The following PCDHA1 variants were observed in gnomAD, a reference collection of about 807,000 sequenced individuals.
PCDHA1 encodes the protein protocadherin alpha 1, also known as protocadherin alpha-1.
Under a neutral mutation model 61.3 loss-of-function variants are expected in PCDHA1, and 42 were observed. The observed-to-expected ratio is 0.69, with a 90% CI of 0.54 to 0.89. PCDHA1 has a LOEUF of 0.89. Ranked by LOEUF, PCDHA1 falls within the 40% of genes least tolerant of loss-of-function variation. The pLI, the probability that PCDHA1 is intolerant of heterozygous loss-of-function variation, is 0.00. For missense variants in PCDHA1, 1,256 were observed against 1,235.3 expected, an observed-to-expected ratio of 1.02 and a Z score of -0.25; for synonymous variants, 610 against 553.8, an observed-to-expected ratio of 1.10 and a Z score of -1.43.
intron 1 of PCDHA1, among the ~76,000 whole-genome samples, chr5:140,901,699 A>G (rs1373176124): frequency 6.6e-6 from 1 of 152,124 alleles, no homozygotes; most frequent in East Asian, 1.9e-4. Context: ...TTGTAGTTCT[A>G]TATACATTTT....
At chr5:140,822,521 G>T (rs2150116984) in intron 1 of PCDHA1, 1 of 1,613,938 alleles carries the variant, frequency 6.2e-7, no homozygotes, top group Admixed American at 1.7e-5. Flanking sequence ...TATAATGTCA[G>T]ATTGTTGGAA....
rs782027925 is a variant in PCDHA1, at chr5:140,877,333, C to G, written c.2394+88649C>G. The G allele has an allele frequency of 2.5e-6, 4 of 1,613,992 alleles. No individual in the cohort carries two copies. The South Asian group carries it at 3.3e-5, about 13-fold the overall frequency. Reference sequence around the variant, plus strand: ...ACCGGCGGCGGTCGGCGCGCACATCCCGTTCCACGTGGGGCTGTACACTGG... The same window carrying G: ...ACCGGCGGCGGTCGGCGCGCACATCGCGTTCCACGTGGGGCTGTACACTGG... On this transcript the variant is annotated intron_variant, in intron 1 of 3. Transcript: ENST00000504120.
intron 1 of PCDHA1, among the ~76,000 whole-genome samples, chr5:140,798,107 A>G (rs1259151781): frequency 6.6e-6 from 1 of 152,092 alleles, no homozygotes; most frequent in Non-Finnish European, 1.5e-5. Flanking sequence ...CCTGGCCTCA[A>G]GTGATCCACC....
intron 1 of PCDHA1, chr5:140,866,443 C>T (rs974368547): frequency 2.0e-5 from 3 of 151,700 alleles, no homozygotes; most frequent in Non-Finnish European, 2.9e-5. Flanking sequence ...CTTCTTCAGT[C>T]TTATTGTTGG....
At chr5:140,797,718 G>A (rs187278003) in intron 1 of PCDHA1, among the ~76,000 whole-genome samples, 2 of 152,222 alleles carry the variant, frequency 1.3e-5, no homozygotes, top group African/African-American at 4.8e-5. Flanking sequence ...TATATAATAC[G>A]TATTTTCAAC....
intron 1 of PCDHA1, among the ~76,000 whole-genome samples, chr5:140,952,338 CAAAAA>C (rs55931446): frequency 7.4e-5 from 10 of 135,008 alleles, no homozygotes; most frequent in Admixed American, 1.5e-4. Context: ...AACTCCATCT[CAAAAA>C]AAAAAAAAAA....
Position 140,961,969 on chromosome 5 carries a change from C to A in PCDHA1, c.2395-16980C>A, listed in dbSNP as rs188846719. ...CATGATCTCGGCTCACTGCAACCTCCGCCTCCTGGGTTCACGCCATTGTCC... is the reference window on the plus strand; with the variant it reads ...CATGATCTCGGCTCACTGCAACCTCAGCCTCCTGGGTTCACGCCATTGTCC... On this transcript the variant is annotated intron_variant, in intron 1 of 3. Transcript: ENST00000504120. 8.7e-4 allele frequency among the ~76,000 whole-genome samples: 132 copies of A among 151,904 alleles called. 1 individual carries two copies. Among genetic ancestry groups the A allele is most frequent in the African/African-American group, 3.0e-3 (126 of 41,408 alleles).
chr5:140,947,020 G>A (rs782772876), intron 1 of PCDHA1, among the ~76,000 whole-genome samples: 3 of 151,616 alleles, frequency 2.0e-5, no homozygotes, highest in Non-Finnish European at 4.4e-5. Flanking sequence ...AATGTTTGAG[G>A]TAATGGATAT....
At chr5:140,795,753 G>A in intron 1 of PCDHA1, 1 of 1,614,060 alleles carries the variant, frequency 6.2e-7, no homozygotes, top group Non-Finnish European at 8.5e-7. Context: ...TAGTGGTTAA[G>A]TTAAACGCTT....
intron 1 of PCDHA1, among the ~76,000 whole-genome samples, chr5:140,886,827 G>GAAAAA (rs782016620): frequency 6.6e-5 from 4 of 60,918 alleles, no homozygotes; most frequent in African/African-American, 6.0e-5. Flanking sequence ...ACTTCGTCTT[G>GAAAAA]AAAAAAAAAA....
intron 1 of PCDHA1, among the ~76,000 whole-genome samples, chr5:140,920,731 C>G (rs2079790420): frequency 6.6e-6 from 1 of 151,924 alleles, no homozygotes; most frequent in African/African-American, 2.4e-5. Flanking sequence ...GCAGTCCCAG[C>G]TACTCAGGAG....
intron 1 of PCDHA1, among the ~76,000 whole-genome samples, chr5:140,923,952 C>T (rs1313695833): frequency 5.9e-5 from 9 of 152,178 alleles, no homozygotes; most frequent in Non-Finnish European, 1.0e-4. Context: ...TTTCCTCACG[C>T]CCTAATCTAT....
intron 1 of PCDHA1, chr5:140,870,954 G>T (rs1202889647): frequency 1.9e-6 from 3 of 1,613,514 alleles, no homozygotes; most frequent in African/African-American, 1.3e-5. Context: ...CGGGCGGCTC[G>T]CGCATCCCGT....
intron 1 of PCDHA1, chr5:140,795,669 A>T: frequency 6.2e-7 from 1 of 1,614,162 alleles, no homozygotes; most frequent in Non-Finnish European, 8.5e-7. Context: ...TATTAGATGT[A>T]AATGACAATG....
In PCDHA1 at chr5:140,876,730, G is replaced by A. The variant is rs1338047769; in HGVS notation, c.2394+88046G>A. ...CGCCCTGGACCGCGAGAGCGTGTCG[G>A]CCTATGAGCTGGTGGTGACTGCGCG... On this transcript the variant is annotated intron_variant, in intron 1 of 3. Transcript: ENST00000504120. 1.2e-6 allele frequency: 2 copies of A among 1,614,254 alleles called. No individual in the cohort carries two copies. The highest frequency in any genetic ancestry group is 1.7e-6 in the Non-Finnish European group (2 of 1,180,050).
chr5:140,898,118 A>T (rs2153459272), intron 1 of PCDHA1, among the ~76,000 whole-genome samples: 1 of 151,730 alleles, frequency 6.6e-6, no homozygotes, highest in Non-Finnish European at 1.5e-5. Context: ...GGTTGCGAAA[A>T]TTTTCTCCCA....
At chr5:140,838,559 T>C (rs1251865837) in intron 1 of PCDHA1, among the ~76,000 whole-genome samples, 1 of 152,048 alleles carries the variant, frequency 6.6e-6, no homozygotes, top group Non-Finnish European at 1.5e-5. Context: ...ATTCATCCAG[T>C]ACTGTATTAG....
At chr5:140,930,527 A>C (rs73793525) in intron 1 of PCDHA1, 8,511 of 152,566 alleles carry the variant, frequency 0.056, 704 homozygotes, top group African/African-American at 0.18. Context: ...CTGGCCCTCA[A>C]ACTTCTTGAG....
chr5:140,824,618 T>TTTTTTTTTG (rs1562279613), intron 1 of PCDHA1: 3 of 128,814 alleles, frequency 2.3e-5, no homozygotes, highest in African/African-American at 7.0e-5. Context: ...AAGTTTTTTT[T>TTTTTTTTTG]TTTTTTTTTT....
Sources: gnomAD v4.1 joint callset for allele counts (sites outside exome capture counted in the v4.1 genomes callset) on GRCh38, gnomAD v4.1.1 for gene constraint, MANE v1.5 for transcripts, NCBI Gene and HGNC (gene_info 2026-07-23, HGNC 2026-07-21) for gene names.